ST6GALNAC3: variants seen among roughly 807,000 people sequenced by gnomAD.
ST6GALNAC3 encodes ST6 N-acetylgalactosaminide alpha-2,6-sialyltransferase 3.
Under a neutral mutation model 32.7 loss-of-function variants are expected in ST6GALNAC3, and 25 were observed. The observed-to-expected ratio is 0.76, with a 90% confidence interval of 0.56 to 1.07. The LOEUF (loss-of-function observed/expected upper bound fraction) is 1.07. Among genes scored for constraint, ST6GALNAC3 ranks in the 50% least tolerant of loss-of-function variants. The pLI, the probability that ST6GALNAC3 is intolerant of heterozygous loss-of-function variation, is 0.00. For missense variants in ST6GALNAC3, 355 were observed against 382.4 expected, an observed-to-expected ratio of 0.93 and a Z score of 0.60; for synonymous variants, 129 against 133.1, an observed-to-expected ratio of 0.97 and a Z score of 0.21.
intron 3 of ST6GALNAC3, among the ~76,000 whole-genome samples, chr1:76,572,129 T>G (rs1646710634): frequency 6.6e-6 from 1 of 152,108 alleles, no homozygotes. Flanking sequence ...TTTTCCTCTT[T>G]TTTTGGATAT....
At chr1:76,138,968 G>T (rs1489139140) in intron 1 of ST6GALNAC3, among the ~76,000 whole-genome samples, 1 of 152,182 alleles carries the variant, frequency 6.6e-6, no homozygotes, top group Non-Finnish European at 1.5e-5. Context: ...GCCGAGGCGG[G>T]CGGATTACGA....
chr1:76,522,963 ACTT>A (rs1315929310), intron 3 of ST6GALNAC3, among the ~76,000 whole-genome samples: 1 of 152,148 alleles, frequency 6.6e-6, no homozygotes, highest in African/African-American at 2.4e-5. Flanking sequence ...AAGGCTTTTA[ACTT>A]CTTGTGCGCA....
In ST6GALNAC3 at chr1:76,525,791, GTATATATATATATATATATA is replaced by G. The variant is rs199721572; in HGVS notation, c.624-101643_624-101624del. Among the ~76,000 whole-genome samples the G allele has an allele frequency of 8.2e-3, 619 of 75,586 alleles. 33 individuals carry two copies. The East Asian group carries it at 0.23, about 28-fold the overall frequency. 49.6% of individuals were successfully genotyped at this position (75,586 alleles called of 152,430 possible). A position where few individuals can be genotyped will look rare whatever the true frequency, so the allele number is the denominator to read the frequency against. ...TGTGTTTGTGTGTGTGTGTGTGTGTGTATATATATATATATATATATATATATATATATATATGACCGTTT... is the reference window on the plus strand; with the variant it reads ...TGTGTTTGTGTGTGTGTGTGTGTGTGTATATATATATATATATGACCGTTT... On this transcript the variant is annotated intron_variant, in intron 3 of 4. Coordinates refer to ENST00000328299, the MANE Select transcript of ST6GALNAC3 (RefSeq NM_152996.4).
chr1:76,456,152 A>C (rs1374354352), intron 3 of ST6GALNAC3, among the ~76,000 whole-genome samples: 1 of 152,170 alleles, frequency 6.6e-6, no homozygotes, highest in Non-Finnish European at 1.5e-5. Flanking sequence ...AGACTGGGCG[A>C]CAGAGTGAAA....
intron 3 of ST6GALNAC3, among the ~76,000 whole-genome samples, chr1:76,577,849 A>G (rs2100534157): frequency 6.6e-6 from 1 of 152,166 alleles, no homozygotes; most frequent in South Asian, 2.1e-4. Flanking sequence ...CATTTTCCCT[A>G]AATTTATCTC....
At chr1:76,316,514 G>A (rs535454978) in intron 2 of ST6GALNAC3, among the ~76,000 whole-genome samples, 9 of 152,172 alleles carry the variant, frequency 5.9e-5, no homozygotes, top group African/African-American at 1.9e-4. Context: ...ATGTGATTCC[G>A]TTTATGGGTC....
At chr1:76,305,613 A>C (rs1433694724) in intron 1 of ST6GALNAC3, among the ~76,000 whole-genome samples, 1 of 152,140 alleles carries the variant, frequency 6.6e-6, no homozygotes, top group Non-Finnish European at 1.5e-5. Flanking sequence ...AACATGGACT[A>C]CTTCATCAGG....
chr1:76,361,287 G>T (rs1392521530), intron 2 of ST6GALNAC3, among the ~76,000 whole-genome samples: 1 of 151,912 alleles, frequency 6.6e-6, no homozygotes. Flanking sequence ...TTATGAAATT[G>T]ACTACTTTAG....
intron 1 of ST6GALNAC3, among the ~76,000 whole-genome samples, chr1:76,203,490 A>G (rs1654646676): frequency 6.6e-6 from 1 of 151,202 alleles, no homozygotes. Flanking sequence ...TCTACAGATG[A>G]TTATGGTCAA....
At chr1:76,612,597 A>G (rs1648008283) in intron 3 of ST6GALNAC3, among the ~76,000 whole-genome samples, 1 of 152,126 alleles carries the variant, frequency 6.6e-6, no homozygotes. Flanking sequence ...CAACAAGCAG[A>G]AGGAAACAGT....
intron 1 of ST6GALNAC3, among the ~76,000 whole-genome samples, chr1:76,114,917 CAAAAAA>C (rs542571151): frequency 1.3e-5 from 1 of 79,002 alleles, no homozygotes; most frequent in East Asian, 4.5e-4. Context: ...GACCTTGTCT[CAAAAAA>C]AAAAAAAAAA....
chr1:76,550,363 T>C (rs888988699), intron 3 of ST6GALNAC3, among the ~76,000 whole-genome samples: 1 of 152,334 alleles, frequency 6.6e-6, no homozygotes. Flanking sequence ...AATTTTATTT[T>C]ATTTTTTGCT....
rs145052125 is a variant in ST6GALNAC3 at position 76,181,610 on chromosome 1, G to A, written c.18+106726G>A. 2.8e-3 allele frequency among the ~76,000 whole-genome samples: 427 copies of A among 152,196 alleles called. 2 individuals carry two copies. The highest frequency in any genetic ancestry group is 6.8e-3 in the Middle Eastern group (2 of 294). On this transcript the variant is annotated intron_variant, in intron 1 of 4. Transcript: ENST00000328299. ...TGCCTTATTACCATGTGTTAAGAAG[G>A]TAATATTCACGTTACCTAGCTATTT... is the stretch of plus-strand genomic sequence containing the variant.
chr1:76,079,593 C>T (rs1036777250), intron 1 of ST6GALNAC3, among the ~76,000 whole-genome samples: 22 of 152,148 alleles, frequency 1.4e-4, no homozygotes, highest in Admixed American at 2.0e-4. Flanking sequence ...TTAGCTGATA[C>T]GATAGATGCA....
At chr1:76,462,265 T>TA (rs1441850537) in intron 3 of ST6GALNAC3, among the ~76,000 whole-genome samples, 3 of 151,998 alleles carry the variant, frequency 2.0e-5, no homozygotes, top group Non-Finnish European at 2.9e-5. Context: ...ATACGTGAAT[T>TA]AATAGGTTGT....
At chr1:76,546,385 T>A (rs1404818389) in intron 3 of ST6GALNAC3, among the ~76,000 whole-genome samples, 1 of 152,168 alleles carries the variant, frequency 6.6e-6, no homozygotes, top group Admixed American at 6.5e-5. Flanking sequence ...CCTCCTAATA[T>A]GCTCTTGCCA....
At chr1:76,416,038 C>G (rs1191391816) in intron 3 of ST6GALNAC3, among the ~76,000 whole-genome samples, 1 of 25,942 alleles carries the variant, frequency 3.9e-5, no homozygotes, top group African/African-American at 1.2e-4. Flanking sequence ...TTCCACAACA[C>G]ACACACACAC....
chr1:76,614,286 A>G (rs958821163), intron 3 of ST6GALNAC3, among the ~76,000 whole-genome samples: 1 of 152,204 alleles, frequency 6.6e-6, no homozygotes, highest in Admixed American at 6.5e-5. Context: ...TCTCAGGCCA[A>G]TTCTCAGAAG....
At chr1:76,184,982 C>T (rs972283446) in intron 1 of ST6GALNAC3, among the ~76,000 whole-genome samples, 6 of 152,168 alleles carry the variant, frequency 3.9e-5, no homozygotes, top group African/African-American at 9.7e-5. Context: ...ACTCTGACAA[C>T]GAAGTGCCCT....
Sources: gnomAD v4.1 joint callset for allele counts (sites outside exome capture counted in the v4.1 genomes callset) on GRCh38, gnomAD v4.1.1 for gene constraint, MANE v1.5 for transcripts, NCBI Gene and HGNC (gene_info 2026-07-23, HGNC 2026-07-21) for gene names.